Variants in SMIM35 observed in about 807,000 individuals in gnomAD.
The protein encoded by SMIM35 is small integral membrane protein 35, also known as TMPRSS4 antisense RNA 1 (non-protein coding).
chr11:118,051,311 A>G (rs1944210006), intron 1 of SMIM35, among the ~76,000 whole-genome samples: 1 of 152,208 alleles, frequency 6.6e-6, no homozygotes, highest in African/African-American at 2.4e-5. Flanking sequence ...GGTCTCCCAC[A>G]AGCCAGCTCA....
chr11:118,076,554 G>A (rs1210756229), intron 1 of SMIM35, among the ~76,000 whole-genome samples: 2 of 152,176 alleles, frequency 1.3e-5, no homozygotes, highest in Admixed American at 6.5e-5. Flanking sequence ...AATATTGAAC[G>A]GCTGCTGAGG....
chr11:118,047,259 A>G (rs1944112719), intron 1 of SMIM35, among the ~76,000 whole-genome samples: 1 of 152,220 alleles, frequency 6.6e-6, no homozygotes, highest in Admixed American at 6.5e-5. Flanking sequence ...TGTGACATGG[A>G]TTTATTGGCG....
intron 1 of SMIM35, among the ~76,000 whole-genome samples, chr11:118,049,583 A>G (rs1944176901): frequency 6.6e-6 from 1 of 151,960 alleles, no homozygotes. Flanking sequence ...TCCTGACCTC[A>G]GGTGACCCAC....
At chr11:118,031,675 AGTT>A (rs1305257906) in intron 1 of SMIM35, 6 of 152,210 alleles carry the variant, frequency 3.9e-5, no homozygotes, top group African/African-American at 9.7e-5. Context: ...TGGCATACTT[AGTT>A]TCAAATTCCT....
chr11:118,022,115 C>G (rs952195812), intron 1 of SMIM35, among the ~76,000 whole-genome samples: 1 of 147,406 alleles, frequency 6.8e-6, no homozygotes, highest in African/African-American at 2.5e-5. Context: ...TCTCAGCTCA[C>G]AACAACCTCC....
At chr11:118,050,513 C>T (rs919827428) in intron 1 of SMIM35, among the ~76,000 whole-genome samples, 18 of 152,202 alleles carry the variant, frequency 1.2e-4, no homozygotes, top group African/African-American at 3.9e-4. Context: ...TTTGGTTCTC[C>T]GTTTATCCCC....
At chr11:118,015,572 A>G (rs2058175502) in intron 2 of SMIM35, 121 bp downstream of exon 2, 2 of 395,726 alleles carry the variant, frequency 5.1e-6, no homozygotes, top group East Asian at 3.7e-5. Context: ...TGCAACCACC[A>G]CAGGAAATAT....
chr11:118,027,016 CTTTTTTTTT>C (rs60864416), intron 1 of SMIM35, among the ~76,000 whole-genome samples: 4 of 93,256 alleles, frequency 4.3e-5, no homozygotes, highest in Non-Finnish European at 5.9e-5. Flanking sequence ...ACCACCACCA[CTTTTTTTTT>C]TTTTTTTTTT....
At chr11:118,026,621 C>T (rs1026622669) in intron 1 of SMIM35, among the ~76,000 whole-genome samples, 1 of 152,048 alleles carries the variant, frequency 6.6e-6, no homozygotes, top group Non-Finnish European at 1.5e-5. Context: ...GAACCCTTAC[C>T]TAGGATTTTA....
chr11:118,056,070 T>A (rs1261305999), intron 1 of SMIM35, among the ~76,000 whole-genome samples: 1 of 151,976 alleles, frequency 6.6e-6, no homozygotes, highest in East Asian at 1.9e-4. Context: ...AGATCACGGT[T>A]CCCTTAAGGT....
intron 1 of SMIM35, among the ~76,000 whole-genome samples, chr11:118,036,566 C>T (rs2058360948): frequency 6.6e-6 from 1 of 152,336 alleles, no homozygotes; most frequent in Admixed American, 6.5e-5. Flanking sequence ...CTGGGTGATG[C>T]ATACACCCTA....
chr11:118,016,838 A>G (rs913175181), intron 1 of SMIM35, among the ~76,000 whole-genome samples: 4 of 152,238 alleles, frequency 2.6e-5, no homozygotes, highest in African/African-American at 7.2e-5. Context: ...TAAATGCTCA[A>G]TAGATGTAAA....
chr11:118,085,025 G>A (rs1945434934), intron 1 of SMIM35, among the ~76,000 whole-genome samples: 1 of 152,154 alleles, frequency 6.6e-6, no homozygotes, highest in South Asian at 2.1e-4. Flanking sequence ...AAGACCAGAT[G>A]GGGCTCCTGG....
chr11:118,024,354 C>A (rs1170049241), intron 1 of SMIM35, among the ~76,000 whole-genome samples: 1 of 152,180 alleles, frequency 6.6e-6, no homozygotes, highest in Non-Finnish European at 1.5e-5. Context: ...TTCTTTTTAA[C>A]TAAACCATAT....
Position 118,032,576 on chromosome 11 carries a change from A to AT in SMIM35, c.8-16768dup, listed in dbSNP as rs199781790. Among the ~76,000 whole-genome samples, 139 of 150,982 alleles carry AT rather than the reference A, an allele frequency of 9.2e-4. 1 individual carries two copies. The East Asian group carries it at 9.7e-3, about 11-fold the overall frequency. On this transcript the variant is annotated intron_variant, in intron 1 of 4. Coordinates refer to ENST00000689828, the MANE Select transcript of SMIM35 (RefSeq NM_001394165.1). Reference sequence around the variant, plus strand: ...CATTTTATATCTTCCTGCATAGTTTATTTTTTTTTGCCAGGTACATGTATT... The same window carrying AT: ...CATTTTATATCTTCCTGCATAGTTTATTTTTTTTTTGCCAGGTACATGTATT...
At chr11:118,069,941 A>C (rs1944544247) in intron 1 of SMIM35, among the ~76,000 whole-genome samples, 1 of 152,030 alleles carries the variant, frequency 6.6e-6, no homozygotes, top group Non-Finnish European at 1.5e-5. Context: ...GGCACCTGTA[A>C]TCCCAGCCAC....
chr11:118,029,843 G>A (rs1224429248), intron 1 of SMIM35: 3 of 455,654 alleles, frequency 6.6e-6, no homozygotes, highest in Admixed American at 2.4e-5. Flanking sequence ...CAGTCTTAAT[G>A]CTAGCATCTG....
At position 118,015,711 on chromosome 11, in the gene SMIM35, G is replaced by A. The variant is rs200459326; in HGVS notation, c.106C>T (p.Arg36Cys). ...CACTCACCCTCCCAGCAGTACCCGC[G>A]CTGGTACCACTTGGCCAGGCTGTAG... is the stretch of plus-strand genomic sequence containing the variant. The part of the protein sequence containing the change: ...LGYSLAKWYQ[R>C]GYCWEGPNFV... Residue 36 changes from arginine (R) to cysteine (C), a missense_variant, in exon 2 of 5, where the codon CGC (arginine) becomes TGC (cysteine). Physicochemically the swap from Arg to Cys is radical, Grantham distance 180 (BLOSUM62 -3). Transcript: ENST00000689828. 3.0e-5 allele frequency: 12 copies of A among 399,326 alleles called. No homozygotes were observed. Among genetic ancestry groups the A allele is most frequent in the South Asian group, 1.3e-4 (1 of 7,854 alleles). The allele number at this position is 399,326 out of a possible 1,614,324, so 24.7% of individuals were successfully genotyped here.
chr11:118,078,529 G>A (rs1425378990), intron 1 of SMIM35, among the ~76,000 whole-genome samples: 3 of 152,210 alleles, frequency 2.0e-5, no homozygotes, highest in Non-Finnish European at 4.4e-5. Context: ...TTTGAGCCAG[G>A]ATCAAAGCAC....
Sources: allele counts gnomAD v4.1 joint callset (sites outside exome capture counted in the v4.1 genomes callset), GRCh38; gene constraint gnomAD v4.1.1; transcripts MANE v1.5; gene names NCBI Gene and HGNC (gene_info 2026-07-23, HGNC 2026-07-21).